FAM163A: variants seen among roughly 807,000 people sequenced by gnomAD.
FAM163A encodes the protein family with sequence similarity 163 member A, also known as protein FAM163A.
A neutral mutation model predicts 12.0 loss-of-function variants in FAM163A; 7 were observed. The ratio of observed to expected loss-of-function variants is 0.58; its 90% confidence interval spans 0.33 to 1.10. The LOEUF (loss-of-function observed/expected upper bound fraction) is 1.10, where lower values mean the gene tolerates loss of function less well. Among genes scored for constraint, FAM163A ranks in the 50% least tolerant of loss-of-function variants. The pLI, the probability that FAM163A is intolerant of heterozygous loss-of-function variation, is 0.03. For synonymous variants in FAM163A, 101 were observed against 91.0 expected, an observed-to-expected ratio of 1.11 and a Z score of -0.62; for missense variants, 202 against 218.6, an observed-to-expected ratio of 0.92 and a Z score of 0.48.
At chr1:179,729,357 T>C in the FAM163A span, among the ~76,000 whole-genome samples, 2 of 152,208 alleles carry the variant, frequency 1.3e-5, no homozygotes, top group African/African-American at 4.8e-5. Flanking sequence ...ATTTTTAAAT[T>C]AGTTTTAATA....
chr1:179,792,440 T>C (rs961747907), intron 1 of FAM163A, among the ~76,000 whole-genome samples: 1 of 152,128 alleles, frequency 6.6e-6, no homozygotes, highest in African/African-American at 2.4e-5. Context: ...CCACTGCTCC[T>C]GGACTTTGGT....
chr1:179,773,024 A>G (rs1218480266), intron 1 of FAM163A, among the ~76,000 whole-genome samples: 1 of 148,656 alleles, frequency 6.7e-6, no homozygotes, highest in African/African-American at 2.5e-5. Context: ...ATTTGGTCAC[A>G]TGGCCATACT....
At chr1:179,752,529 G>A (rs530897541) in intron 1 of FAM163A, among the ~76,000 whole-genome samples, 1 of 150,264 alleles carries the variant, frequency 6.7e-6, no homozygotes, top group South Asian at 2.1e-4. Flanking sequence ...TGGGATGGGA[G>A]GAAATATTTG....
intron 1 of FAM163A, among the ~76,000 whole-genome samples, chr1:179,778,912 C>A (rs72708630): frequency 6.6e-6 from 1 of 152,172 alleles, no homozygotes; most frequent in South Asian, 2.1e-4. Flanking sequence ...AGGCTCCGAG[C>A]TAGACTCACA....
At chr1:179,810,117 T>C (rs1019105915) in intron 2 of FAM163A, among the ~76,000 whole-genome samples, 25 of 152,216 alleles carry the variant, frequency 1.6e-4, no homozygotes, top group Middle Eastern at 3.4e-3. Context: ...CTGCAGGGGA[T>C]AGGAGACCGT....
At chr1:179,785,843 T>C (rs1346804876) in intron 1 of FAM163A, among the ~76,000 whole-genome samples, 1 of 152,262 alleles carries the variant, frequency 6.6e-6, no homozygotes, top group Non-Finnish European at 1.5e-5. Context: ...GTATTCTACA[T>C]GTGCCATAGT....
chr1:179,773,418 G>T (rs957019341), intron 1 of FAM163A, among the ~76,000 whole-genome samples: 6 of 152,200 alleles, frequency 3.9e-5, no homozygotes, highest in Non-Finnish European at 7.3e-5. Flanking sequence ...GATTGTATCG[G>T]TGTCAATTTC....
upstream of FAM163A, among the ~76,000 whole-genome samples, chr1:179,741,703 T>C (rs180754355): frequency 1.2e-4 from 19 of 152,322 alleles, no homozygotes; most frequent in East Asian, 2.9e-3. Flanking sequence ...TATTATTCAA[T>C]TTATAGAAAG....
intron 1 of FAM163A, among the ~76,000 whole-genome samples, chr1:179,798,861 T>C (rs112749297): frequency 0.014 from 2,200 of 152,290 alleles, 58 homozygotes; most frequent in African/African-American, 0.05. Flanking sequence ...AAAGTTTCTT[T>C]GGTATAATTT....
upstream of FAM163A, among the ~76,000 whole-genome samples, chr1:179,738,673 A>G (rs1197233868): frequency 1.3e-5 from 2 of 152,234 alleles, no homozygotes; most frequent in Non-Finnish European, 2.9e-5. Context: ...CATTTATGAC[A>G]AAATTCTCAG....
chr1:179,800,002 G>T (rs1692934166), intron 1 of FAM163A, among the ~76,000 whole-genome samples: 1 of 152,214 alleles, frequency 6.6e-6, no homozygotes, highest in African/African-American at 2.4e-5. Flanking sequence ...GGACAGTGTG[G>T]GGGATGGTGG....
chr1:179,774,742 G>A (rs1052011751), intron 1 of FAM163A, among the ~76,000 whole-genome samples: 2 of 152,132 alleles, frequency 1.3e-5, no homozygotes, highest in Admixed American at 6.5e-5. Flanking sequence ...CAGAAGTCAC[G>A]GCCAGGACAG....
At chr1:179,736,188 A>G in the FAM163A span, among the ~76,000 whole-genome samples, 1 of 152,244 alleles carries the variant, frequency 6.6e-6, no homozygotes, top group African/African-American at 2.4e-5. Flanking sequence ...GTAGGACTAC[A>G]TTAAACGAAA....
chr1:179,779,434 A>T (rs1395116452), intron 1 of FAM163A, among the ~76,000 whole-genome samples: 2 of 152,158 alleles, frequency 1.3e-5, no homozygotes, highest in East Asian at 3.9e-4. Context: ...CTTTAATGAG[A>T]GCTGGTGGGA....
intron 1 of FAM163A, among the ~76,000 whole-genome samples, chr1:179,761,150 G>A (rs985445830): frequency 6.6e-6 from 1 of 152,218 alleles, no homozygotes; most frequent in Non-Finnish European, 1.5e-5. Context: ...CACATACATG[G>A]TATAATCCTG....
intron 1 of FAM163A, among the ~76,000 whole-genome samples, chr1:179,795,280 G>A (rs1053291897): frequency 1.9e-4 from 29 of 152,260 alleles, no homozygotes; most frequent in African/African-American, 6.5e-4. Context: ...CTATCAAATC[G>A]CCCTCAAATC....
At chr1:179,786,131 A>T (rs1690585727) in intron 1 of FAM163A, among the ~76,000 whole-genome samples, 1 of 152,230 alleles carries the variant, frequency 6.6e-6, no homozygotes, top group African/African-American at 2.4e-5. Context: ...ATCTTGACCA[A>T]GTTGTTGGAT....
upstream of FAM163A, among the ~76,000 whole-genome samples, chr1:179,740,940 C>T (rs1288629018): frequency 1.3e-5 from 2 of 152,054 alleles, no homozygotes; most frequent in Non-Finnish European, 2.9e-5. Context: ...CTTACAATTG[C>T]CTACAAATCT....
intron 1 of FAM163A, among the ~76,000 whole-genome samples, chr1:179,785,264 A>G (rs1417920197): frequency 6.6e-6 from 1 of 152,172 alleles, no homozygotes; most frequent in Admixed American, 6.5e-5. Flanking sequence ...CAATTAAGAA[A>G]CCATAAATTG....
Sources: gnomAD v4.1 joint callset for allele counts (sites outside exome capture counted in the v4.1 genomes callset) on GRCh38, gnomAD v4.1.1 for gene constraint, MANE v1.5 for transcripts, NCBI Gene and HGNC (gene_info 2026-07-23, HGNC 2026-07-21) for gene names.